Variants in PPP2R5C observed in about 807,000 individuals in gnomAD.
PPP2R5C encodes the protein protein phosphatase 2 regulatory subunit B'gamma, also known as serine/threonine-protein phosphatase 2A 56 kDa regulatory subunit gamma isoform.
A neutral mutation model predicts 68.9 loss-of-function variants in PPP2R5C; 7 were observed. The ratio of observed to expected loss-of-function variants is 0.10; its 90% CI spans 0.06 to 0.19. The LOEUF is 0.19. Among genes scored for constraint, PPP2R5C ranks in the 10% least tolerant of loss-of-function variants. PPP2R5C has a pLI of 1.00. For synonymous variants in PPP2R5C, 210 were observed against 222.2 expected, an observed-to-expected ratio of 0.95 and a Z score of 0.49; for missense variants, 348 against 641.3, an observed-to-expected ratio of 0.54 and a Z score of 4.94.
intron 2 of PPP2R5C, among the ~76,000 whole-genome samples, chr14:101,775,411 T>C (rs1256259117): frequency 6.6e-6 from 1 of 152,200 alleles, no homozygotes; most frequent in Non-Finnish European, 1.5e-5. Flanking sequence ...TAGACTTCCA[T>C]GTATCTGCTG....
At chr14:101,764,881 G>A (rs1039476593) in intron 2 of PPP2R5C, among the ~76,000 whole-genome samples, 2 of 142,426 alleles carry the variant, frequency 1.4e-5, no homozygotes, top group East Asian at 2.0e-4. Flanking sequence ...TCTTGCTAAT[G>A]TGCCTATATC....
intron 1 of PPP2R5C, among the ~76,000 whole-genome samples, chr14:101,822,387 C>T (rs1316374753): frequency 1.3e-5 from 2 of 152,184 alleles, no homozygotes; most frequent in Non-Finnish European, 2.9e-5. Flanking sequence ...GAGAAATGCT[C>T]TGCCAGGAGA....
rs747371221 is a variant in PPP2R5C at position 101,906,692 on chromosome 14, C to G, written c.1151+163C>G. On this transcript the variant is annotated intron_variant, in intron 10 of 13. Coordinates refer to ENST00000334743, the Ensembl canonical transcript of PPP2R5C. The surrounding 1 kb of genome is among the most constrained non-coding windows in gnomAD (Gnocchi z 4.0). ...AATTAAGTAGCAGCGTGGGTTGTTT[C>G]TGTGGCCGTTGAATTTACCACCTTA... is the stretch of plus-strand genomic sequence containing the variant. 3.2e-5 allele frequency: 31 copies of G among 976,930 alleles called. No homozygotes were observed. The highest frequency in any genetic ancestry group is 3.9e-5 in the Non-Finnish European group (27 of 683,962). The allele number at this position is 976,930 out of a possible 1,614,324, so 60.5% of individuals were successfully genotyped here.
At position 101,775,225 on chromosome 14, in the gene PPP2R5C, ATATCT is replaced by A. The variant is rs2037357330; in HGVS notation, c.94-10789_94-10785del. Among the ~76,000 whole-genome samples, 4 of 152,232 alleles carry A rather than the reference ATATCT, an allele frequency of 2.6e-5. No homozygotes were observed. The South Asian group carries it at 8.3e-4, about 32-fold the overall frequency. Reference sequence around the variant, plus strand: ...TCGGCCCTGCCCAACTGAACAATAAATATCTTATATCTAGTTGTGAATTTTGAGAA... The same window carrying A: ...TCGGCCCTGCCCAACTGAACAATAAATATATCTAGTTGTGAATTTTGAGAA... On this transcript the variant is annotated intron_variant, in intron 2 of 14. Coordinates refer to the PPP2R5C transcript ENST00000328724.
chr14:101,819,598 TG>T (rs2039924382), intron 1 of PPP2R5C: 2 of 153,338 alleles, frequency 1.3e-5, no homozygotes, highest in African/African-American at 4.8e-5. Flanking sequence ...TGTTTTTGTT[TG>T]GGTTTGTTTT....
At chr14:101,831,221 T>C (rs2040716480) in intron 1 of PPP2R5C, among the ~76,000 whole-genome samples, 1 of 152,232 alleles carries the variant, frequency 6.6e-6, no homozygotes, top group Non-Finnish European at 1.5e-5. Flanking sequence ...AATATGACCC[T>C]TCTTAATATG....
In PPP2R5C at chr14:101,825,990, C is replaced by T. The variant is rs576696894; in HGVS notation, c.94+15954C>T. Among the ~76,000 whole-genome samples the T allele has an allele frequency of 6.2e-4, 95 of 152,286 alleles. No individual in the cohort carries two copies. Among genetic ancestry groups the T allele is most frequent in the Non-Finnish European group, 1.1e-3 (72 of 68,012 alleles). On this transcript the variant is annotated intron_variant, in intron 1 of 13. Transcript: ENST00000334743. The surrounding 1 kb of genome is among the most constrained non-coding windows in gnomAD (Gnocchi z 4.0). ...TGAGAATAGGAGGTGGCCCAGAGGG[C>T]ATGGTCAGATGTGGCTATCACAGCT...
intron 1 of PPP2R5C, chr14:101,818,989 T>A (rs1342167087): frequency 1.3e-6 from 2 of 1,542,762 alleles, no homozygotes; most frequent in Non-Finnish European, 1.8e-6. Context: ...TGTTTCACTC[T>A]AGGGAACAAG....
chr14:101,917,170 C>G lies in PPP2R5C; in HGVS notation c.1327-661C>G, dbSNP rs1209901022. Among the ~76,000 whole-genome samples the G allele has an allele frequency of 1.3e-5, 2 of 152,172 alleles. No individual in the cohort carries two copies. The highest frequency in any genetic ancestry group is 2.9e-5 in the Non-Finnish European group (2 of 68,026). ...AAATGGAGTCAACCAGGCCCAGTGACTGAGGGCTGAGCCATCTGTGTTTCA... is the reference window on the plus strand; with the variant it reads ...AAATGGAGTCAACCAGGCCCAGTGAGTGAGGGCTGAGCCATCTGTGTTTCA... On this transcript the variant is annotated intron_variant, in intron 12 of 13. Transcript: ENST00000334743. The surrounding 1 kb of genome is among the most constrained non-coding windows in gnomAD (Gnocchi z 4.4).
At chr14:101,819,184 A>G (rs745893031) in intron 1 of PPP2R5C, 59 of 1,090,292 alleles carry the variant, frequency 5.4e-5, no homozygotes, top group Non-Finnish European at 7.4e-5. Context: ...TTTTTTTCCC[A>G]GCTTTATGTA....
intron 1 of PPP2R5C, among the ~76,000 whole-genome samples, chr14:101,812,282 C>A (rs1218952915): frequency 6.6e-6 from 1 of 152,192 alleles, no homozygotes; most frequent in Non-Finnish European, 1.5e-5. Context: ...AGCATAGGAG[C>A]TCTGCCACGA....
chr14:101,914,043 A>C lies in PPP2R5C; in HGVS notation c.1326+1570A>C, dbSNP rs2046526459. 4.9e-6 allele frequency: 2 copies of C among 409,368 alleles called. 1 individual carries two copies. The highest frequency in any genetic ancestry group is 8.4e-4 in the Middle Eastern group (2 of 2,384). 25.4% of individuals were successfully genotyped at this position (409,368 alleles called of 1,614,324 possible). ...CCAGTTTCACTACTGCACATACTGT[A>C]CGTAACCAATGTTTCTTCTGAAATA... On this transcript the variant is annotated intron_variant, in intron 12 of 13. Transcript: ENST00000334743.
At chr14:101,918,517 G>A (rs1395884769) in intron 13 of PPP2R5C, among the ~76,000 whole-genome samples, 42 of 20,676 alleles carry the variant, frequency 2.0e-3, no homozygotes, top group African/African-American at 9.2e-3. Flanking sequence ...TTCTCCCCTC[G>A]CCCCCCTCAT....
At chr14:101,832,825 C>T (rs75224603) in intron 1 of PPP2R5C, among the ~76,000 whole-genome samples, 1,829 of 152,264 alleles carry the variant, frequency 0.012, 34 homozygotes, top group African/African-American at 0.04. Flanking sequence ...CGCGCTTTAC[C>T]GTGTAATTTC....
intron 2 of PPP2R5C, among the ~76,000 whole-genome samples, chr14:101,866,818 C>T (rs989467628): frequency 2.0e-5 from 3 of 152,170 alleles, no homozygotes; most frequent in Admixed American, 1.3e-4. Flanking sequence ...GGCACAGTGG[C>T]TCATGCCTAT....
In PPP2R5C at chr14:101,915,182, T is replaced by G. The variant is rs1349244291; in HGVS notation, c.1327-2649T>G. ...ACCTCCGCCTCCCAGGTTCAAGCAG[T>G]CCTCCGGAGTGCCTCAGCCTCCCAA... On this transcript the variant is annotated intron_variant, in intron 12 of 13. Coordinates refer to ENST00000334743, the Ensembl canonical transcript of PPP2R5C. The surrounding 1 kb of genome is among the most constrained non-coding windows in gnomAD (Gnocchi z 4.2). Among the ~76,000 whole-genome samples, 1 of 152,172 alleles carries G rather than the reference T, an allele frequency of 6.6e-6. No homozygotes were observed. Among genetic ancestry groups the G allele is most frequent in the Non-Finnish European group, 1.5e-5 (1 of 68,020 alleles).
At chr14:101,777,239 A>C (rs1008669944) in intron 2 of PPP2R5C, among the ~76,000 whole-genome samples, 1 of 152,116 alleles carries the variant, frequency 6.6e-6, no homozygotes, top group African/African-American at 2.4e-5. Flanking sequence ...CCTTTTGGCT[A>C]TTGTGAATAA....
At chr14:101,798,321 A>G (rs956465919) in intron 3 of PPP2R5C, among the ~76,000 whole-genome samples, 1 of 152,254 alleles carries the variant, frequency 6.6e-6, no homozygotes, top group African/African-American at 2.4e-5. Context: ...GCCTTAAAAA[A>G]TAAAACCTTC....
chr14:101,798,949 G>T (rs2140129246), intron 3 of PPP2R5C, among the ~76,000 whole-genome samples: 1 of 152,352 alleles, frequency 6.6e-6, no homozygotes, highest in Non-Finnish European at 1.5e-5. Flanking sequence ...TTCTTGAGAT[G>T]ATTTGACAGC....
Sources: allele counts gnomAD v4.1 joint callset (sites outside exome capture counted in the v4.1 genomes callset), GRCh38; gene constraint gnomAD v4.1.1; non-coding constraint Gnocchi (gnomAD v3.1); transcripts MANE v1.5; gene names NCBI Gene and HGNC (gene_info 2026-07-23, HGNC 2026-07-21).